CXADR: variants seen among roughly 807,000 people sequenced by gnomAD.
CXADR encodes the protein CXADR cell adhesion molecule, also known as coxsackievirus and adenovirus receptor.
CXADR carries 20 observed loss-of-function variants against 40.3 expected under a neutral mutation model. The observed-to-expected ratio is 0.50, with a 90% CI of 0.35 to 0.72. CXADR has a LOEUF of 0.72. CXADR is among the 30% of genes least tolerant of loss of function. CXADR has a pLI of 0.01. For missense variants in CXADR, 332 were observed against 449.1 expected (o/e 0.74, Z 2.36); for synonymous variants, 150 against 161.3 (o/e 0.93, Z 0.53).
intron 1 of CXADR, chr21:17,518,979 CTT>C: frequency 1.2e-6 from 2 of 1,608,922 alleles, no homozygotes; most frequent in Non-Finnish European, 1.7e-6. Context: ...GTTTGGCTAA[CTT>C]TTCTTGATTC....
chr21:17,533,660 G>A (rs2060706704), intron 1 of CXADR, among the ~76,000 whole-genome samples: 1 of 151,916 alleles, frequency 6.6e-6, no homozygotes. Flanking sequence ...ATTTTGAAAA[G>A]TGCTTGGTCT....
chr21:17,604,685 TCTAA>T, the CXADR span, among the ~76,000 whole-genome samples: 1 of 152,190 alleles, frequency 6.6e-6, no homozygotes, highest in African/African-American at 2.4e-5. Flanking sequence ...AAAGCAGAAA[TCTAA>T]CTAGTCCTTC....
intron 1 of CXADR, among the ~76,000 whole-genome samples, chr21:17,544,919 G>C (rs2060874991): frequency 6.6e-6 from 1 of 151,984 alleles, no homozygotes; most frequent in Non-Finnish European, 1.5e-5. Context: ...TGTATATTAA[G>C]CTTATTTTAG....
chr21:17,525,749 C>T (rs1323096247), intron 1 of CXADR, among the ~76,000 whole-genome samples: 1 of 152,152 alleles, frequency 6.6e-6, no homozygotes, highest in East Asian at 1.9e-4. Flanking sequence ...AAGACAATTG[C>T]ACACGCATCT....
chr21:17,617,300 A>G, the CXADR span, among the ~76,000 whole-genome samples: 14 of 151,632 alleles, frequency 9.2e-5, no homozygotes, highest in African/African-American at 3.1e-4. Flanking sequence ...AGGTGCCATT[A>G]TTGTTGTTGT....
At chr21:17,548,767 C>T (rs1163327681) in intron 2 of CXADR, among the ~76,000 whole-genome samples, 1 of 152,228 alleles carries the variant, frequency 6.6e-6, no homozygotes, top group African/African-American at 2.4e-5. Context: ...GACTCCAAGT[C>T]GTCCATGCTG....
intron 1 of CXADR, among the ~76,000 whole-genome samples, chr21:17,530,704 C>T (rs1224914792): frequency 6.6e-6 from 1 of 152,058 alleles, no homozygotes; most frequent in South Asian, 2.1e-4. Flanking sequence ...ATCCCAGCTA[C>T]TAGGGAGGCT....
chr21:17,603,916 A>G, the CXADR span, among the ~76,000 whole-genome samples: 1 of 152,210 alleles, frequency 6.6e-6, no homozygotes, highest in Admixed American at 6.5e-5. Context: ...TAATTTGCTT[A>G]CTTTTCTTCT....
rs1386375826 is a variant in CXADR, at chr21:17,569,731, A to T, written c.*4039A>T. On this transcript the variant is annotated 3_prime_UTR_variant, in exon 7 of 7. Coordinates refer to ENST00000284878, the MANE Select transcript of CXADR (RefSeq NM_001338.5). ...ATTTTATAATTTAAGAATATAGTAC[A>T]TATCAGTTGGGTTTGGTTTTGGTCA... The T allele has an allele frequency of 2.1e-6, 2 of 968,864 alleles. No homozygotes were observed. The highest frequency in any genetic ancestry group is 3.5e-5 in the African/African-American group (2 of 56,748). The allele number at this position is 968,864 out of a possible 1,614,324, so 60.0% of individuals were successfully genotyped here.
chr21:17,560,037 A>G (rs1238773203), intron 4 of CXADR, among the ~76,000 whole-genome samples: 1 of 152,038 alleles, frequency 6.6e-6, no homozygotes, highest in Non-Finnish European at 1.5e-5. Flanking sequence ...AAGTATAGTA[A>G]GAGTTGGCTC....
In CXADR at chr21:17,569,492, T is replaced by C. The variant is rs2061257230; in HGVS notation, c.*3800T>C. ...GCAATAAAGGCATCATGTTCTGCAA[T>C]AGGATTTCTTACTCATTTACCTATT... On this transcript the variant is annotated 3_prime_UTR_variant, in exon 7 of 7. Transcript: ENST00000284878. 2 of 985,202 alleles carry C rather than the reference T, an allele frequency of 2.0e-6. No homozygotes were observed. Among genetic ancestry groups the C allele is most frequent in the African/African-American group, 3.5e-5 (2 of 57,224 alleles). 61.0% of individuals were successfully genotyped at this position (985,202 alleles called of 1,614,324 possible). A position where few individuals can be genotyped will look rare whatever the true frequency, so the allele number is the denominator to read the frequency against.
At chr21:17,579,513 T>G (rs1234122205) in intron 7 of CXADR, among the ~76,000 whole-genome samples, 1 of 152,200 alleles carries the variant, frequency 6.6e-6, no homozygotes, top group South Asian at 2.1e-4. Context: ...CTCGATCTCC[T>G]GACCTCGTGA....
intron 1 of CXADR, among the ~76,000 whole-genome samples, chr21:17,536,157 C>G (rs2123195732): frequency 6.6e-6 from 1 of 152,190 alleles, no homozygotes; most frequent in Non-Finnish European, 1.5e-5. Context: ...TGAAAGATAA[C>G]AGCTCTTTTC....
the CXADR span, chr21:17,598,887 T>A: frequency 2.2e-6 from 3 of 1,353,514 alleles, no homozygotes; most frequent in Non-Finnish European, 3.0e-6. Context: ...AAAATGTCCA[T>A]AAAAACAAAG....
chr21:17,564,528 T>A (rs898799816), intron 6 of CXADR, among the ~76,000 whole-genome samples: 1 of 151,974 alleles, frequency 6.6e-6, no homozygotes, highest in Non-Finnish European at 1.5e-5. Flanking sequence ...AAACAAAATT[T>A]TCTATACATG....
chr21:17,538,471 G>C (rs1165069943), intron 1 of CXADR, among the ~76,000 whole-genome samples: 1 of 152,098 alleles, frequency 6.6e-6, no homozygotes, highest in Non-Finnish European at 1.5e-5. Context: ...AATGAGGAGC[G>C]ACCAGAGATT....
intron 6 of CXADR, among the ~76,000 whole-genome samples, chr21:17,562,118 A>G (rs1020019902): frequency 6.0e-5 from 9 of 148,916 alleles, no homozygotes; most frequent in Non-Finnish European, 1.3e-4. Context: ...GTGCAGTAGC[A>G]TTATGTGTAA....
chr21:17,516,960 A>C (rs903431826), intron 1 of CXADR, among the ~76,000 whole-genome samples: 2 of 152,082 alleles, frequency 1.3e-5, no homozygotes, highest in Non-Finnish European at 2.9e-5. Flanking sequence ...TAGAAAAAAA[A>C]CAGAAAAATA....
In CXADR at chr21:17,556,678, C is replaced by T. The variant is rs576173377; in HGVS notation, c.416-2298C>T. Among the ~76,000 whole-genome samples, 187 of 152,176 alleles carry T rather than the reference C, an allele frequency of 1.2e-3. 1 individual carries two copies. The highest frequency in any genetic ancestry group is 4.4e-3 in the African/African-American group (182 of 41,522). On this transcript the variant is annotated intron_variant, in intron 3 of 6. Transcript: ENST00000284878. ...AATTTGCAAAACTTATTTAAAAGTC[C>T]AATTGATGTAGTCTCCAGAGCACCT...
Sources: gnomAD v4.1 joint callset for allele counts (sites outside exome capture counted in the v4.1 genomes callset) on GRCh38, gnomAD v4.1.1 for gene constraint, MANE v1.5 for transcripts, NCBI Gene and HGNC (gene_info 2026-07-23, HGNC 2026-07-21) for gene names.